The following ADGRL3 variants were observed in gnomAD, a reference collection of about 807,000 sequenced individuals.
The protein encoded by ADGRL3 is calcium-independent alpha-latrotoxin receptor 3.
A neutral mutation model predicts 153.5 loss-of-function variants in ADGRL3; 62 were observed. The ratio of observed to expected loss-of-function variants is 0.40; its 90% CI spans 0.33 to 0.50. The LOEUF is 0.50. ADGRL3 is among the 20% of genes least tolerant of loss of function. The pLI is 0.47. For synonymous variants in ADGRL3, 710 were observed against 672.5 expected, an observed-to-expected ratio of 1.06 and a Z score of -0.86; for missense variants, 1,641 against 1,859.4, an observed-to-expected ratio of 0.88 and a Z score of 2.16.
intron 6 of ADGRL3, among the ~76,000 whole-genome samples, chr4:61,717,619 A>G (rs2096147432): frequency 6.6e-6 from 1 of 152,322 alleles, no homozygotes; most frequent in African/African-American, 2.4e-5. Flanking sequence ...TAAACATTCA[A>G]TAGTTGTTGG....
intron 2 of ADGRL3, among the ~76,000 whole-genome samples, chr4:61,406,751 C>T (rs989669270): frequency 1.6e-4 from 25 of 151,786 alleles, no homozygotes; most frequent in African/African-American, 5.8e-4. Context: ...TGTGTTTGTA[C>T]AAGAAAAATA....
intron 2 of ADGRL3, among the ~76,000 whole-genome samples, chr4:61,431,751 A>G (rs2097358403): frequency 6.6e-6 from 1 of 152,210 alleles, no homozygotes; most frequent in Non-Finnish European, 1.5e-5. Flanking sequence ...TATGGATGTC[A>G]ATAATAGTTT....
Position 61,410,458 on chromosome 4 carries a change from A to G in ADGRL3, c.-174+27269A>G, listed in dbSNP as rs531749279. Among the ~76,000 whole-genome samples the G allele has an allele frequency of 5.9e-5, 9 of 152,218 alleles. No individual in the cohort carries two copies. In the East Asian group the frequency reaches 1.7e-3, roughly 29 times the overall value. ...TATTTTCTTTGGAAAAAATAAGGAT[A>G]TTCTCTTATATAACCACACAACAGT... On this transcript the variant is annotated intron_variant, in intron 2 of 26. Transcript: ENST00000683033.
At chr4:61,218,266 G>T (rs183286109) in intron 1 of ADGRL3, among the ~76,000 whole-genome samples, 2 of 151,956 alleles carry the variant, frequency 1.3e-5, no homozygotes, top group East Asian at 3.9e-4. Flanking sequence ...ACTATATTTA[G>T]AATCATTAAT....
Position 61,912,706 on chromosome 4 carries a change from T to C in ADGRL3, c.2074-13T>C, listed in dbSNP as rs2098727342. On this transcript the variant is annotated splice_polypyrimidine_tract_variant and intron_variant, in intron 12 of 26. Transcript: ENST00000683033. ...TCTATTCTGTGTTTAATCTGCTGTC[T>C]TAATGGATTCAGCTTCAGAAAAGAG... 1 of 1,612,710 alleles carries C rather than the reference T, an allele frequency of 6.2e-7. No homozygotes were observed. The highest frequency in any genetic ancestry group is 1.1e-5 in the South Asian group (1 of 91,050).
chr4:61,877,884 G>C (rs930582246), intron 9 of ADGRL3, among the ~76,000 whole-genome samples: 4 of 152,098 alleles, frequency 2.6e-5, no homozygotes, highest in African/African-American at 9.7e-5. Flanking sequence ...CCCCCATACT[G>C]TTCTCATGAT....
intron 4 of ADGRL3, among the ~76,000 whole-genome samples, chr4:61,552,673 T>G (rs966390116): frequency 6.6e-6 from 1 of 152,104 alleles, no homozygotes; most frequent in Non-Finnish European, 1.5e-5. Context: ...CTCCCTGCAT[T>G]GCCCAGACTG....
At position 61,658,950 on chromosome 4, in the gene ADGRL3, G is replaced by T. The variant is rs542761869; in HGVS notation, c.474-17876G>T. Among the ~76,000 whole-genome samples the T allele has an allele frequency of 3.3e-5, 5 of 152,264 alleles. No individual in the cohort carries two copies. The South Asian group carries it at 8.3e-4, about 25-fold the overall frequency. On this transcript the variant is annotated intron_variant, in intron 5 of 26. Coordinates refer to ENST00000683033, the MANE Select transcript of ADGRL3 (RefSeq NM_001387552.1). ...TAAATTTGCTTTGACAGTTCTAGCG[G>T]CTAGAAGTGCTAAGGTATCAGCAAG... is the stretch of plus-strand genomic sequence containing the variant.
intron 19 of ADGRL3, among the ~76,000 whole-genome samples, chr4:61,988,765 G>A (rs1041030116): frequency 1.3e-5 from 2 of 152,292 alleles, no homozygotes; most frequent in South Asian, 4.1e-4. Flanking sequence ...CAGGAAAAGG[G>A]AGAGAGCACA....
At chr4:61,527,557 A>T (rs2098575495) in intron 4 of ADGRL3, among the ~76,000 whole-genome samples, 1 of 152,180 alleles carries the variant, frequency 6.6e-6, no homozygotes, top group South Asian at 2.1e-4. Flanking sequence ...AGAAATGTTT[A>T]GGTGACTCAT....
chr4:61,546,945 A>C (rs893389538), intron 4 of ADGRL3, among the ~76,000 whole-genome samples: 9 of 152,214 alleles, frequency 5.9e-5, no homozygotes, highest in Non-Finnish European at 1.3e-4. Context: ...ATATCAAAAA[A>C]TATTTATTTC....
Position 61,733,254 on chromosome 4 carries a change from G to A in ADGRL3, c.1099G>A (p.Gly367Arg), listed in dbSNP as rs1310285844. The A allele has an allele frequency of 5.6e-6, 9 of 1,613,602 alleles. No homozygotes were observed. The highest frequency in any genetic ancestry group is 7.6e-6 in the Non-Finnish European group (9 of 1,179,828). The change falls in exon 8 of 27, where the codon GGA becomes AGA. Residue 367 changes from glycine (G) to arginine (R), a missense_variant. Gly to Arg is a moderately radical substitution (Grantham distance 125, BLOSUM62 -2). Transcript: ENST00000683033. ...QLNPYTLRIE[G>R]TWDTAYDKRS... ...GAACCCTTACACCCTACGGATCGAA[G>A]GAACATGGGATACTGCATATGATAA...
In ADGRL3 at chr4:62,022,791, G is replaced by GA. The variant is rs75968256; in HGVS notation, c.3396-6050dup. 2.4e-3 allele frequency among the ~76,000 whole-genome samples: 345 copies of GA among 141,552 alleles called. 1 individual carries two copies. Among genetic ancestry groups the GA allele is most frequent in the African/African-American group, 2.3e-3 (89 of 38,234 alleles). The allele number at this position is 141,552 out of a possible 152,430, so 92.9% of individuals were successfully genotyped here. On this transcript the variant is annotated intron_variant, in intron 21 of 26. Coordinates refer to ENST00000683033, the MANE Select transcript of ADGRL3 (RefSeq NM_001387552.1). ...AGCCCATGTTGAGACCTACTGCTCAGAAAAAAAAAAAAAATTCTTTCAAAA... is the reference window on the plus strand; with the variant it reads ...AGCCCATGTTGAGACCTACTGCTCAGAAAAAAAAAAAAAAATTCTTTCAAAA...
intron 5 of ADGRL3, among the ~76,000 whole-genome samples, chr4:61,627,608 G>A (rs1289353338): frequency 6.6e-6 from 1 of 152,076 alleles, no homozygotes; most frequent in African/African-American, 2.4e-5. Flanking sequence ...GCAACAGAGT[G>A]AGACTCAATC....
In ADGRL3 at chr4:62,076,057, A is replaced by T. The variant is rs1005784585; in HGVS notation, c.*5149A>T. ...TCCATTTATTTACAGCCTGCAGAAG[A>T]AGTAGCTTGTTTACGATATTTAAAA... On this transcript the variant is annotated 3_prime_UTR_variant, in exon 27 of 27. Transcript: ENST00000683033. The T allele has an allele frequency of 6.6e-6, 1 of 152,160 alleles. No homozygotes were observed. The highest frequency in any genetic ancestry group is 1.5e-5 in the Non-Finnish European group (1 of 67,990). The allele number at this position is 152,160 out of a possible 1,614,324, so 9.4% of individuals were successfully genotyped here. A position where few individuals can be genotyped will look rare whatever the true frequency, so the allele number is the denominator to read the frequency against.
intron 9 of ADGRL3, among the ~76,000 whole-genome samples, chr4:61,820,239 G>A (rs1256190404): frequency 6.6e-6 from 1 of 152,164 alleles, no homozygotes; most frequent in African/African-American, 2.4e-5. Flanking sequence ...ATACTAATGA[G>A]CAAAGTTGAG....
chr4:61,611,625 A>G (rs2091359318), intron 5 of ADGRL3, among the ~76,000 whole-genome samples: 2 of 152,098 alleles, frequency 1.3e-5, no homozygotes, highest in Non-Finnish European at 2.9e-5. Flanking sequence ...GCATGAATTA[A>G]TTGTTTAAAA....
intron 5 of ADGRL3, among the ~76,000 whole-genome samples, chr4:61,589,760 T>G (rs1305587840): frequency 6.6e-6 from 1 of 152,066 alleles, no homozygotes; most frequent in Non-Finnish European, 1.5e-5. Flanking sequence ...CAAGGAGAGA[T>G]ATGAAATGTC....
intron 4 of ADGRL3, among the ~76,000 whole-genome samples, chr4:61,528,833 G>C (rs996264969): frequency 5.3e-5 from 8 of 152,140 alleles, no homozygotes; most frequent in Non-Finnish European, 1.2e-4. Context: ...ACAAAGACCA[G>C]ATATGCAAGG....
Sources: gnomAD v4.1 joint callset for allele counts (sites outside exome capture counted in the v4.1 genomes callset) on GRCh38, gnomAD v4.1.1 for gene constraint, MANE v1.5 for transcripts, NCBI Gene and HGNC (gene_info 2026-07-23, HGNC 2026-07-21) for gene names.